Variants in SOX5 observed in about 807,000 individuals in gnomAD.
SOX5 encodes the protein SRY-box transcription factor 5, also known as transcription factor SOX-5.
Under a neutral mutation model 92.0 loss-of-function variants are expected in SOX5, and 9 were observed. That is an observed-to-expected ratio of 0.10 (90% CI 0.06 to 0.17). SOX5 has a LOEUF of 0.17. Among genes scored for constraint, SOX5 ranks in the 10% least tolerant of loss-of-function variants. The pLI, the probability that SOX5 is intolerant of heterozygous loss-of-function variation, is 1.00. For missense variants in SOX5, 642 were observed against 944.5 expected, an observed-to-expected ratio of 0.68 and a Z score of 4.20; for synonymous variants, 344 against 336.3, an observed-to-expected ratio of 1.02 and a Z score of -0.25.
rs756521024 is a variant in SOX5, at chr12:23,734,666, G to T, written c.810+18C>A. On this transcript the variant is annotated intron_variant, in intron 6 of 14. Coordinates refer to ENST00000451604, the MANE Select transcript of SOX5 (RefSeq NM_006940.6). The stretch of plus-strand genomic sequence containing the variant: ...ATATTTTTTAAATTGTAAGTATATT[G>T]AAATTATGATTTCTGACCTGGATCT... 6.3e-7 allele frequency: 1 copy of T among 1,577,832 alleles called. No individual in the cohort carries two copies. The highest frequency in any genetic ancestry group is 2.2e-5 in the East Asian group (1 of 44,560).
chr12:23,794,634 C>G (rs766770160), intron 3 of SOX5, among the ~76,000 whole-genome samples: 2 of 152,110 alleles, frequency 1.3e-5, no homozygotes, highest in Non-Finnish European at 2.9e-5. Flanking sequence ...ACAGATGATA[C>G]TTCATGTTCC....
intron 4 of SOX5, among the ~76,000 whole-genome samples, chr12:24,068,052 G>A (rs909218419): frequency 5.9e-5 from 9 of 152,186 alleles, no homozygotes; most frequent in Admixed American, 2.0e-4. Context: ...GGCTGAGGCA[G>A]GAGAATCGCT....
chr12:23,866,863 T>C (rs1412219762), intron 2 of SOX5, among the ~76,000 whole-genome samples: 3 of 152,202 alleles, frequency 2.0e-5, no homozygotes, highest in Non-Finnish European at 4.4e-5. Context: ...GGATTTGATC[T>C]TGACATTGTG....
intron 1 of SOX5, among the ~76,000 whole-genome samples, chr12:24,441,436 T>A (rs1039678031): frequency 6.6e-6 from 1 of 152,210 alleles, no homozygotes; most frequent in Non-Finnish European, 1.5e-5. Flanking sequence ...TTACACCAAC[T>A]GTCCTTTAAA....
At chr12:23,713,794 A>C (rs893125337) in intron 6 of SOX5, among the ~76,000 whole-genome samples, 3 of 149,500 alleles carry the variant, frequency 2.0e-5, no homozygotes, top group Admixed American at 1.3e-4. Context: ...ATTTAATAAT[A>C]TATGTAGATT....
At chr12:24,434,899 A>G (rs1939104036) in intron 1 of SOX5, among the ~76,000 whole-genome samples, 1 of 152,228 alleles carries the variant, frequency 6.6e-6, no homozygotes, top group African/African-American at 2.4e-5. Flanking sequence ...CTTTATAAGC[A>G]GTGCAAGAAT....
intron 1 of SOX5, among the ~76,000 whole-genome samples, chr12:24,517,115 A>ATAATTTAATTATTATT (rs1307184128): frequency 5.8e-4 from 88 of 152,364 alleles, no homozygotes; most frequent in Non-Finnish European, 5.0e-4. Context: ...TTTAAATTAT[A>ATAATTTAATTATTATT]ATAATGTCTC....
chr12:23,681,450 A>G (rs1321172687), intron 6 of SOX5, among the ~76,000 whole-genome samples: 1 of 151,914 alleles, frequency 6.6e-6, no homozygotes, highest in African/African-American at 2.4e-5. Flanking sequence ...GTTAAAAAAC[A>G]GAGACCAAGA....
At chr12:24,427,208 G>T (rs1490121504) in intron 1 of SOX5, among the ~76,000 whole-genome samples, 1 of 152,020 alleles carries the variant, frequency 6.6e-6, no homozygotes, top group Non-Finnish European at 1.5e-5. Flanking sequence ...CATTCTATCT[G>T]GCATGAAAAG....
chr12:23,542,685 T>C (rs927927822), intron 13 of SOX5, among the ~76,000 whole-genome samples: 1 of 152,242 alleles, frequency 6.6e-6, no homozygotes. Context: ...CTACATCTTC[T>C]TGTGTTCTGA....
At chr12:24,324,204 A>T (rs1056462011) in intron 2 of SOX5, among the ~76,000 whole-genome samples, 1 of 152,146 alleles carries the variant, frequency 6.6e-6, no homozygotes, top group South Asian at 2.1e-4. Flanking sequence ...CATTTTTCAT[A>T]ACATTAGTTC....
chr12:24,300,421 T>C (rs1947815920), intron 2 of SOX5, among the ~76,000 whole-genome samples: 1 of 152,164 alleles, frequency 6.6e-6, no homozygotes, highest in South Asian at 2.1e-4. Flanking sequence ...GGCAATTTAT[T>C]ACTAAACACA....
intron 9 of SOX5, among the ~76,000 whole-genome samples, chr12:23,598,785 G>C (rs1952936256): frequency 6.6e-6 from 1 of 152,118 alleles, no homozygotes; most frequent in Non-Finnish European, 1.5e-5. Context: ...AGGTAGACTT[G>C]GTTGTGATTA....
intron 1 of SOX5, among the ~76,000 whole-genome samples, chr12:24,478,625 C>G (rs1215443959): frequency 6.6e-6 from 1 of 152,208 alleles, no homozygotes; most frequent in African/African-American, 2.4e-5. Context: ...TATGGTGCTA[C>G]AGTAGCATCC....
intron 3 of SOX5, among the ~76,000 whole-genome samples, chr12:23,829,040 G>A (rs1449300303): frequency 6.6e-6 from 1 of 152,004 alleles, no homozygotes; most frequent in East Asian, 1.9e-4. Flanking sequence ...TCTGGGAGCA[G>A]GTGGCAAAGG....
chr12:23,530,822 C>CGTGTGTGT lies in SOX5; in HGVS notation c.*3396_*3397insACACACAC, dbSNP rs1250904575. 1.1e-5 allele frequency: 1 copy of CGTGTGTGT among 88,952 alleles called. No homozygotes were observed. The highest frequency in any genetic ancestry group is 4.1e-4 in the South Asian group (1 of 2,464). 5.5% of individuals were successfully genotyped at this position (88,952 alleles called of 1,614,324 possible). A position where few individuals can be genotyped will look rare whatever the true frequency, so the allele number is the denominator to read the frequency against. ...AAGTGTGTGTGTGTGTGTGTGTGCGCGCGCGCGCGCGCGCATGTGAGAGAG... is the reference window on the plus strand; with the variant it reads ...AAGTGTGTGTGTGTGTGTGTGTGCGCGTGTGTGTGCGCGCGCGCGCGCATGTGAGAGAG... On this transcript the variant is annotated 3_prime_UTR_variant, in exon 15 of 15. Coordinates refer to ENST00000451604, the MANE Select transcript of SOX5 (RefSeq NM_006940.6).
chr12:24,363,257 A>G (rs1955799093), intron 2 of SOX5, among the ~76,000 whole-genome samples: 1 of 152,058 alleles, frequency 6.6e-6, no homozygotes, highest in Admixed American at 6.5e-5. Flanking sequence ...AAAAATTAGT[A>G]ATAATTTAGA....
At chr12:23,944,631 C>A (rs912484681) in intron 1 of SOX5, among the ~76,000 whole-genome samples, 1 of 152,120 alleles carries the variant, frequency 6.6e-6, no homozygotes, top group Non-Finnish European at 1.5e-5. Flanking sequence ...CTAGCAATAT[C>A]ACTTGATCCT....
intron 3 of SOX5, among the ~76,000 whole-genome samples, chr12:23,759,153 G>A (rs114326464): frequency 6.6e-6 from 1 of 151,650 alleles, no homozygotes; most frequent in Non-Finnish European, 1.5e-5. Context: ...GTAAAAACTT[G>A]ATAAATGTTC....
Sources: allele counts gnomAD v4.1 joint callset (sites outside exome capture counted in the v4.1 genomes callset), GRCh38; gene constraint gnomAD v4.1.1; transcripts MANE v1.5; gene names NCBI Gene and HGNC (gene_info 2026-07-23, HGNC 2026-07-21).